The following ASCC1 variants were observed in gnomAD, a reference collection of about 807,000 sequenced individuals.
ASCC1 encodes the protein ASC-1 complex subunit P50.
Under a neutral mutation model 46.6 loss-of-function variants are expected in ASCC1, and 35 were observed. The ratio of observed to expected loss-of-function variants is 0.75; its 90% CI spans 0.57 to 0.99. ASCC1 has a LOEUF of 0.99. ASCC1 is among the 50% of genes least tolerant of loss of function. The pLI is 0.00. For missense variants in ASCC1, 376 were observed against 428.7 expected (o/e 0.88, Z 1.09); for synonymous variants, 143 against 146.6 (o/e 0.98, Z 0.18).
chr10:72,165,448 A>T (rs1850222795), intron 5 of ASCC1, among the ~76,000 whole-genome samples: 1 of 152,250 alleles, frequency 6.6e-6, no homozygotes, highest in East Asian at 1.9e-4. Context: ...ACAGGAATGA[A>T]ACAGGAATCC....
intron 3 of ASCC1, chr10:72,204,625 A>G: frequency 7.6e-7 from 1 of 1,309,906 alleles, no homozygotes; most frequent in Non-Finnish European, 1.0e-6. Context: ...CTTCAATTAC[A>G]GTACCCAATT....
intron 6 of ASCC1, among the ~76,000 whole-genome samples, chr10:72,160,351 G>A (rs1449341627): frequency 6.6e-6 from 1 of 152,156 alleles, no homozygotes; most frequent in East Asian, 1.9e-4. Flanking sequence ...AACTATTTGA[G>A]TGAATTGGCT....
chr10:72,195,736 A>T (rs1408069932), intron 5 of ASCC1, among the ~76,000 whole-genome samples: 7 of 151,764 alleles, frequency 4.6e-5, no homozygotes, highest in Non-Finnish European at 8.8e-5. Flanking sequence ...CAGGAGGCTG[A>T]GATAGGAGAA....
intron 2 of ASCC1, 123 bp downstream of exon 2, chr10:72,213,064 T>C (rs1858406379): frequency 9.8e-6 from 7 of 712,256 alleles, no homozygotes; most frequent in South Asian, 1.5e-5. Context: ...AATGGAGCTA[T>C]ATGAGGCCAA....
chr10:72,133,353 C>A, intron 7 of ASCC1, 172 bp from the exon 8 acceptor site: 2 of 670,344 alleles, frequency 3.0e-6, no homozygotes, highest in Non-Finnish European at 5.3e-6. Flanking sequence ...AGCTAAAGAT[C>A]AGTCTTGTTT....
In ASCC1 at chr10:72,108,652, C is replaced by T. The variant is rs537239383; in HGVS notation, c.958-11202G>A. The stretch of plus-strand genomic sequence containing the variant: ...TCTGATCCTTTCCATTATTGCTGGT[C>T]GACATTATCAATGACTACAGACCCA... On this transcript the variant is annotated intron_variant, in intron 9 of 9. Transcript: ENST00000672957. Among the ~76,000 whole-genome samples the T allele has an allele frequency of 3.2e-4, 48 of 152,222 alleles. No individual in the cohort carries two copies. In the South Asian group the frequency reaches 8.5e-3, roughly 27 times the overall value.
chr10:72,157,099 G>A (rs909917252), intron 6 of ASCC1, among the ~76,000 whole-genome samples: 1 of 152,080 alleles, frequency 6.6e-6, no homozygotes, highest in African/African-American at 2.4e-5. Context: ...GAGCCACTGC[G>A]CCCGGCCCAG....
intron 7 of ASCC1, among the ~76,000 whole-genome samples, chr10:72,146,268 C>T (rs1847615248): frequency 6.6e-6 from 1 of 152,156 alleles, no homozygotes. Flanking sequence ...TACTGCCCTG[C>T]ATATCCTAGG....
chr10:72,097,332 C>T lies in ASCC1; in HGVS notation c.*2G>A, dbSNP rs751824344. ...AGTTTCTAGTGCTTTCCAAGATCCA[C>T]CTCAGGAGAAGTCAATTTGTCCACA... On this transcript the variant is annotated 3_prime_UTR_variant, in exon 10 of 10. Coordinates refer to ENST00000672957, the MANE Select transcript of ASCC1 (RefSeq NM_001198800.3). 1.3e-6 allele frequency: 2 copies of T among 1,591,564 alleles called. No homozygotes were observed. The highest frequency in any genetic ancestry group is 1.1e-5 in the South Asian group (1 of 90,574).
chr10:72,102,827 T>C (rs950811824), intron 9 of ASCC1: 1 of 347,544 alleles, frequency 2.9e-6, no homozygotes, highest in Non-Finnish European at 5.6e-6. Context: ...ATACAAAAAT[T>C]AGCCAGGCAT....
At chr10:72,130,036 T>TA (rs1472098843) in intron 8 of ASCC1, among the ~76,000 whole-genome samples, 1 of 141,284 alleles carries the variant, frequency 7.1e-6, no homozygotes, top group Non-Finnish European at 1.5e-5. Context: ...AGGAATAAAG[T>TA]ACTGATGTGT....
intron 5 of ASCC1, among the ~76,000 whole-genome samples, chr10:72,162,099 G>A (rs897496687): frequency 6.6e-6 from 1 of 152,106 alleles, no homozygotes; most frequent in Non-Finnish European, 1.5e-5. Context: ...CCTGATAAGG[G>A]TCTAGTATCC....
In ASCC1 at chr10:72,096,432, A is replaced by G; in HGVS notation, c.*902T>C. On this transcript the variant is annotated 3_prime_UTR_variant, in exon 10 of 10. Transcript: ENST00000672957. Reference sequence around the variant, plus strand: ...CTGCAACTCCATCAGGGGCATGGGAAGATGAGGGTGGGGATGGGGTGAAGG... The same window carrying G: ...CTGCAACTCCATCAGGGGCATGGGAGGATGAGGGTGGGGATGGGGTGAAGG... The G allele has an allele frequency of 2.2e-6, 1 of 454,196 alleles. No individual in the cohort carries two copies. Among genetic ancestry groups the G allele is most frequent in the South Asian group, 1.6e-5 (1 of 64,476 alleles). 28.1% of individuals were successfully genotyped at this position (454,196 alleles called of 1,614,324 possible).
At chr10:72,203,361 TG>T in intron 4 of ASCC1, 65 bp downstream of exon 4, 1 of 1,135,816 alleles carries the variant, frequency 8.8e-7, no homozygotes, top group East Asian at 2.3e-5. Flanking sequence ...ACACTGCAGT[TG>T]GTTACATTAT....
chr10:72,154,291 TA>T (rs887523135), intron 6 of ASCC1, among the ~76,000 whole-genome samples: 1 of 152,104 alleles, frequency 6.6e-6, no homozygotes, highest in African/African-American at 2.4e-5. Flanking sequence ...CAATGGCTGC[TA>T]AAACTTGGGC....
chr10:72,104,059 T>C (rs1032516986), intron 9 of ASCC1, among the ~76,000 whole-genome samples: 10 of 152,174 alleles, frequency 6.6e-5, no homozygotes, highest in Admixed American at 3.9e-4. Context: ...GCCATGAACC[T>C]AGTGATGGGT....
At chr10:72,188,255 T>A (rs12266982) in intron 5 of ASCC1, among the ~76,000 whole-genome samples, 21,520 of 150,510 alleles carry the variant, frequency 0.14, 4,377 homozygotes, top group African/African-American at 0.45. Flanking sequence ...AGTAGTTGGG[T>A]TTACAGGTGC....
chr10:72,109,083 T>A (rs1842649384), intron 9 of ASCC1, among the ~76,000 whole-genome samples: 2 of 152,142 alleles, frequency 1.3e-5, no homozygotes, highest in Admixed American at 1.3e-4. Flanking sequence ...ATCAGTGGTG[T>A]GAGAGCCAAT....
At chr10:72,210,235 C>A (rs6480600) in intron 3 of ASCC1, among the ~76,000 whole-genome samples, 20,968 of 150,842 alleles carry the variant, frequency 0.14, 4,183 homozygotes, top group African/African-American at 0.44. Context: ...TCTCGGCTCA[C>A]TGCAACCTCT....
Sources: allele counts gnomAD v4.1 joint callset (sites outside exome capture counted in the v4.1 genomes callset), GRCh38; gene constraint gnomAD v4.1.1; transcripts MANE v1.5; gene names NCBI Gene and HGNC (gene_info 2026-07-23, HGNC 2026-07-21).